Variants in GRIP1 observed in about 807,000 individuals in gnomAD.
GRIP1 encodes glutamate receptor-interacting protein 1.
Under a neutral mutation model 129.9 loss-of-function variants are expected in GRIP1, and 45 were observed. That is an observed-to-expected ratio of 0.35 (90% CI 0.27 to 0.44). The LOEUF (loss-of-function observed/expected upper bound fraction) is 0.44. Among genes scored for constraint, GRIP1 ranks in the 20% least tolerant of loss-of-function variants. The pLI, the probability that GRIP1 is intolerant of heterozygous loss-of-function variation, is 1.00. For synonymous variants in GRIP1, 530 were observed against 520.8 expected, an observed-to-expected ratio of 1.02 and a Z score of -0.24; for missense variants, 1,196 against 1,396.8, an observed-to-expected ratio of 0.86 and a Z score of 2.29.
intron 1 of GRIP1, among the ~76,000 whole-genome samples, chr12:66,727,446 G>A (rs922440028): frequency 3.5e-4 from 54 of 152,152 alleles, no homozygotes; most frequent in African/African-American, 1.1e-3. Flanking sequence ...TATGAACTGG[G>A]TAGCTGCTGG....
chr12:67,061,406 GGTCGGTCTATACCTA>G (rs1010492217), intron 1 of GRIP1, among the ~76,000 whole-genome samples: 1 of 152,162 alleles, frequency 6.6e-6, no homozygotes, highest in Non-Finnish European at 1.5e-5. Context: ...CAGTCAAGAT[GGTCGGTCTATACCTA>G]GGCCAAATAG....
chr12:66,429,826 A>G (rs373213867), intron 14 of GRIP1, among the ~76,000 whole-genome samples: 2 of 152,162 alleles, frequency 1.3e-5, no homozygotes, highest in African/African-American at 4.8e-5. Context: ...ACATATAGTA[A>G]TTCATTTAAT....
intron 1 of GRIP1, among the ~76,000 whole-genome samples, chr12:66,696,499 T>C (rs1285653407): frequency 1.3e-5 from 2 of 151,976 alleles, no homozygotes; most frequent in South Asian, 2.1e-4. Context: ...AAAAGAATTA[T>C]GGTTAGGCCA....
chr12:66,890,445 A>C (rs529915834), intron 1 of GRIP1, among the ~76,000 whole-genome samples: 3 of 152,346 alleles, frequency 2.0e-5, no homozygotes, highest in African/African-American at 7.2e-5. Flanking sequence ...GGTTTAAAAA[A>C]ATTGCCTGTG....
intron 11 of GRIP1, among the ~76,000 whole-genome samples, chr12:66,446,119 T>G (rs751261767): frequency 5.6e-5 from 3 of 53,158 alleles, no homozygotes; most frequent in Non-Finnish European, 9.7e-5. Context: ...CACCCCAGAG[T>G]TTGGTCTCTT....
intron 1 of GRIP1, among the ~76,000 whole-genome samples, chr12:66,725,260 G>A (rs932000012): frequency 3.9e-5 from 6 of 152,004 alleles, no homozygotes; most frequent in East Asian, 1.9e-4. Flanking sequence ...TCATGATCAC[G>A]CCACTGCACT....
chr12:66,432,101 A>G (rs2058165848), intron 14 of GRIP1, among the ~76,000 whole-genome samples: 1 of 152,150 alleles, frequency 6.6e-6, no homozygotes, highest in Non-Finnish European at 1.5e-5. Context: ...GTGAATTAAT[A>G]TACAATATGC....
chr12:66,362,317 C>G (rs2054825081), intron 23 of GRIP1, among the ~76,000 whole-genome samples: 1 of 151,652 alleles, frequency 6.6e-6, no homozygotes, highest in Admixed American at 6.6e-5. Flanking sequence ...CCATGCCTGG[C>G]TAATTTTGTA....
chr12:66,752,993 T>C (rs929287057), intron 1 of GRIP1, among the ~76,000 whole-genome samples: 1 of 152,184 alleles, frequency 6.6e-6, no homozygotes, highest in South Asian at 2.1e-4. Context: ...AACTTCTCAG[T>C]AGGGCATTTA....
At chr12:66,543,011 A>G (rs2061833830) in intron 2 of GRIP1, among the ~76,000 whole-genome samples, 1 of 152,240 alleles carries the variant, frequency 6.6e-6, no homozygotes, top group East Asian at 1.9e-4. Flanking sequence ...AGTTATTTAT[A>G]ATGTTGAAAA....
chr12:66,605,918 G>A (rs1439111703), intron 1 of GRIP1, among the ~76,000 whole-genome samples: 2 of 152,086 alleles, frequency 1.3e-5, no homozygotes, highest in African/African-American at 2.4e-5. Flanking sequence ...ATAACAAGGG[G>A]ACAATGTATA....
chr12:66,373,400 C>G lies in GRIP1; in HGVS notation c.2779-1473G>C, dbSNP rs573985591. Among the ~76,000 whole-genome samples the G allele has an allele frequency of 6.3e-4, 96 of 152,240 alleles. 1 individual carries two copies. Among genetic ancestry groups the G allele is most frequent in the African/African-American group, 2.1e-3 (89 of 41,544 alleles). On this transcript the variant is annotated intron_variant, in intron 22 of 24. Coordinates refer to ENST00000359742, the MANE Select transcript of GRIP1 (RefSeq NM_001366722.1). ...CACCACGCCTGGCCATTCCTCCCAA[C>G]TTATAGGTGAGGAACTGAGGCACGA...
At chr12:67,036,416 C>T (rs2043096332) in intron 1 of GRIP1, among the ~76,000 whole-genome samples, 1 of 151,816 alleles carries the variant, frequency 6.6e-6, no homozygotes, top group Non-Finnish European at 1.5e-5. Flanking sequence ...CAACCTCTGC[C>T]TCCCAAGTTC....
chr12:66,986,224 T>C (rs2042308873), intron 1 of GRIP1, among the ~76,000 whole-genome samples: 3 of 152,142 alleles, frequency 2.0e-5, no homozygotes, highest in South Asian at 4.1e-4. Context: ...TTTTACACTG[T>C]TGGTGGGACT....
chr12:66,441,103 G>A (rs969637806), intron 13 of GRIP1, among the ~76,000 whole-genome samples: 8 of 152,012 alleles, frequency 5.3e-5, no homozygotes, highest in South Asian at 4.2e-4. Context: ...TCTGACTTCC[G>A]CCCCTACTTT....
At position 66,973,930 on chromosome 12, in the gene GRIP1, T is replaced by C. The variant is rs575144542; in HGVS notation, c.58+95120A>G. ...TTTTCTTTTCTTTTCTTTTTTTTTTTTTTTTTTGAGTCAGAGTCTCACTTT... is the reference window on the plus strand; with the variant it reads ...TTTTCTTTTCTTTTCTTTTTTTTTTCTTTTTTTGAGTCAGAGTCTCACTTT... On this transcript the variant is annotated intron_variant, in intron 1 of 1. Coordinates refer to the GRIP1 transcript ENST00000643019. Among the ~76,000 whole-genome samples, 6 of 148,576 alleles carry C rather than the reference T, an allele frequency of 4.0e-5. No individual in the cohort carries two copies. In the East Asian group the frequency reaches 1.2e-3, roughly 29 times the overall value.
chr12:66,657,438 G>C (rs1390121718), intron 1 of GRIP1, among the ~76,000 whole-genome samples: 1 of 152,166 alleles, frequency 6.6e-6, no homozygotes, highest in African/African-American at 2.4e-5. Context: ...GGGACTGGCT[G>C]GCTTTATGTC....
chr12:66,879,566 G>C (rs1265980772), intron 1 of GRIP1, among the ~76,000 whole-genome samples: 3 of 152,016 alleles, frequency 2.0e-5, no homozygotes, highest in Non-Finnish European at 4.4e-5. Flanking sequence ...ACAGCACTCA[G>C]AATCGCCTCT....
chr12:66,865,928 C>A (rs563664041), intron 1 of GRIP1, among the ~76,000 whole-genome samples: 1 of 151,994 alleles, frequency 6.6e-6, no homozygotes, highest in Admixed American at 6.6e-5. Context: ...CCATTTCTTT[C>A]GGTCAACCTA....
Sources: allele counts gnomAD v4.1 joint callset (sites outside exome capture counted in the v4.1 genomes callset), GRCh38; gene constraint gnomAD v4.1.1; transcripts MANE v1.5; gene names NCBI Gene and HGNC (gene_info 2026-07-23, HGNC 2026-07-21).